Variants in KIRREL3 observed in about 807,000 individuals in gnomAD.
KIRREL3 encodes the protein kirre like nephrin family adhesion molecule 3.
In KIRREL3, 36 loss-of-function variants were observed where a neutral mutation model predicts 89.7. The ratio of observed to expected loss-of-function variants is 0.40; its 90% CI spans 0.31 to 0.53. The LOEUF is 0.53. KIRREL3 is among the 20% of genes least tolerant of loss of function. The pLI is 0.49. For missense variants in KIRREL3, 864 were observed against 1,056.6 expected (o/e 0.82, Z 2.53); for synonymous variants, 445 against 441.4 (o/e 1.01, Z -0.10).
intron 1 of KIRREL3, among the ~76,000 whole-genome samples, chr11:126,933,790 A>AC (rs397701000): frequency 2.0e-5 from 3 of 151,486 alleles, no homozygotes; most frequent in African/African-American, 4.8e-5. Context: ...AAAAAAAAAA[A>AC]CCAAAAACAT....
chr11:126,533,870 A>G (rs1959015091), intron 2 of KIRREL3, among the ~76,000 whole-genome samples: 2 of 152,238 alleles, frequency 1.3e-5, no homozygotes, highest in Admixed American at 6.5e-5. Flanking sequence ...CTCACAACAA[A>G]TGCTCAGGGG....
chr11:126,506,870 G>A (rs549672028), intron 4 of KIRREL3, among the ~76,000 whole-genome samples: 24 of 151,918 alleles, frequency 1.6e-4, no homozygotes, highest in Admixed American at 5.9e-4. Context: ...AGTGATCCAC[G>A]TGTCTCAGCC....
intron 1 of KIRREL3, among the ~76,000 whole-genome samples, chr11:126,784,993 T>C (rs542546832): frequency 1.3e-5 from 2 of 152,332 alleles, no homozygotes; most frequent in East Asian, 3.9e-4. Flanking sequence ...GTTCCCTACC[T>C]GTGTGGAGGT....
chr11:126,634,187 C>T (rs569362), intron 1 of KIRREL3, among the ~76,000 whole-genome samples: 80,287 of 152,052 alleles, frequency 0.53, 22,255 homozygotes, highest in South Asian at 0.66. Flanking sequence ...CTCTGTTCAC[C>T]GGTACCGAAG....
At chr11:126,932,616 C>A (rs1045442646) in intron 1 of KIRREL3, among the ~76,000 whole-genome samples, 1 of 152,220 alleles carries the variant, frequency 6.6e-6, no homozygotes, top group Non-Finnish European at 1.5e-5. Context: ...GCTACAGCCA[C>A]CCCCAGCAGG....
chr11:126,945,627 A>G (rs746957972), intron 1 of KIRREL3, among the ~76,000 whole-genome samples: 8 of 152,152 alleles, frequency 5.3e-5, no homozygotes, highest in Non-Finnish European at 1.2e-4. Flanking sequence ...CTGCCTCATT[A>G]GACTCACAAC....
rs1027009425 is a variant in KIRREL3 at position 126,817,946 on chromosome 11, G to C, written c.55+182509C>G. Among the ~76,000 whole-genome samples, 7 of 152,346 alleles carry C rather than the reference G, an allele frequency of 4.6e-5. No homozygotes were observed. The highest frequency in any genetic ancestry group is 2.0e-4 in the Admixed American group (3 of 15,306). On this transcript the variant is annotated intron_variant, in intron 1 of 16. Transcript: ENST00000525144. The surrounding 1 kb of genome is among the most constrained non-coding windows in gnomAD (Gnocchi z 5.7). The stretch of plus-strand genomic sequence containing the variant: ...GCTGAGCCACTCAGCTCTTGAATCA[G>C]AGGCTTCAGCAGGAGGAGAGGCTCA...
intron 1 of KIRREL3, among the ~76,000 whole-genome samples, chr11:126,712,133 C>G (rs749618615): frequency 6.6e-6 from 1 of 152,238 alleles, no homozygotes; most frequent in Non-Finnish European, 1.5e-5. Context: ...GACTTTCCTA[C>G]TCTAGTAGCA....
Position 126,663,427 on chromosome 11 carries a change from C to T in KIRREL3, c.56-100515G>A, listed in dbSNP as rs111387649. Among the ~76,000 whole-genome samples, 530 of 152,072 alleles carry T rather than the reference C, an allele frequency of 3.5e-3. 8 individuals carry two copies. Among genetic ancestry groups the T allele is most frequent in the African/African-American group, 0.012 (509 of 41,506 alleles). ...GTCTCGATGTCCTGACCTCGTGATC[C>T]GCCTGCCTCGGCCTCCCAACGTGCT... On this transcript the variant is annotated intron_variant, in intron 1 of 16. Coordinates refer to ENST00000525144, the MANE Select transcript of KIRREL3 (RefSeq NM_032531.4).
chr11:126,627,442 C>T lies in KIRREL3; in HGVS notation c.56-64530G>A, dbSNP rs1943838711. 6.6e-6 allele frequency among the ~76,000 whole-genome samples: 1 copy of T among 152,126 alleles called. No individual in the cohort carries two copies. The highest frequency in any genetic ancestry group is 2.4e-5 in the African/African-American group (1 of 41,422). ...TGGTCCTTGCTGGGACAACCAGTGG[C>T]GTCATCTTCACCAAGTCTAGGGTGG... On this transcript the variant is annotated intron_variant, in intron 1 of 16. Transcript: ENST00000525144. This position sits in a 1 kb window ranked among gnomAD's most constrained non-coding sequence, Gnocchi z 5.0.
At position 126,909,737 on chromosome 11, in the gene KIRREL3, A is replaced by C. The variant is rs1321562939; in HGVS notation, c.55+90718T>G. ...TTGACCTCAGAGATGACCTTTTGCC[A>C]TCATTGTCTCAGCTTTCATGAAAAC... On this transcript the variant is annotated intron_variant, in intron 1 of 16. Transcript: ENST00000525144. This position sits in a 1 kb window ranked among gnomAD's most constrained non-coding sequence, Gnocchi z 4.5. Among the ~76,000 whole-genome samples the C allele has an allele frequency of 6.6e-6, 1 of 152,194 alleles. No homozygotes were observed. The highest frequency in any genetic ancestry group is 2.4e-5 in the African/African-American group (1 of 41,452).
chr11:126,439,118 G>C (rs1199375613), intron 11 of KIRREL3, among the ~76,000 whole-genome samples: 1 of 152,170 alleles, frequency 6.6e-6, no homozygotes, highest in Non-Finnish European at 1.5e-5. Flanking sequence ...ATCACCTGAG[G>C]TCAGGAGTTT....
intron 1 of KIRREL3, among the ~76,000 whole-genome samples, chr11:126,799,380 ATGCGTGTATCTGTG>A (rs1950941594): frequency 1.7e-4 from 2 of 11,828 alleles, no homozygotes; most frequent in Non-Finnish European, 3.1e-4. Flanking sequence ...CTGTGTGTGC[ATGCGTGTATCTGTG>A]TGTGCATCTA....
chr11:126,482,465 T>G (rs546090685), intron 4 of KIRREL3, among the ~76,000 whole-genome samples: 50 of 152,356 alleles, frequency 3.3e-4, no homozygotes, highest in African/African-American at 1.1e-3. Context: ...GTGTCCTTAT[T>G]TGTAAAATAT....
chr11:126,720,695 G>A (rs767669950), intron 1 of KIRREL3, among the ~76,000 whole-genome samples: 1 of 152,224 alleles, frequency 6.6e-6, no homozygotes, highest in Non-Finnish European at 1.5e-5. Context: ...TAGGGCTGCA[G>A]GCACAAGCCA....
At chr11:126,857,818 C>G (rs1166396950) in intron 1 of KIRREL3, among the ~76,000 whole-genome samples, 6 of 149,730 alleles carry the variant, frequency 4.0e-5, no homozygotes, top group African/African-American at 1.5e-4. Flanking sequence ...CCTCTAGCTG[C>G]CTGGGATGTG....
chr11:126,858,516 T>C (rs976341423), intron 1 of KIRREL3, among the ~76,000 whole-genome samples: 1 of 152,194 alleles, frequency 6.6e-6, no homozygotes, highest in Non-Finnish European at 1.5e-5. Flanking sequence ...TCTCTGTCTC[T>C]GTCTCTTTTT....
intron 1 of KIRREL3, among the ~76,000 whole-genome samples, chr11:126,592,633 G>A (rs1392422718): frequency 2.0e-5 from 3 of 152,242 alleles, no homozygotes; most frequent in African/African-American, 4.8e-5. Flanking sequence ...AGTACACTCT[G>A]CATGCCTGCT....
chr11:126,866,203 C>T (rs1457584603), intron 1 of KIRREL3, among the ~76,000 whole-genome samples: 3 of 152,110 alleles, frequency 2.0e-5, no homozygotes, highest in Non-Finnish European at 4.4e-5. Flanking sequence ...CTAAACACTG[C>T]GGAGAAGCCA....
Sources: allele counts gnomAD v4.1 joint callset (sites outside exome capture counted in the v4.1 genomes callset), GRCh38; gene constraint gnomAD v4.1.1; non-coding constraint Gnocchi (gnomAD v3.1); transcripts MANE v1.5; gene names NCBI Gene and HGNC (gene_info 2026-07-23, HGNC 2026-07-21).